Variants in ATP6V0A1 observed in about 807,000 individuals in gnomAD.
ATP6V0A1 encodes V-type proton ATPase 116 kDa subunit a 1.
In ATP6V0A1, 43 loss-of-function variants were observed where a neutral mutation model predicts 105.4. The observed-to-expected ratio is 0.41, with a 90% CI of 0.32 to 0.53. ATP6V0A1 has a LOEUF of 0.53. Among genes scored for constraint, ATP6V0A1 ranks in the 20% least tolerant of loss-of-function variants. ATP6V0A1 has a pLI of 0.30. For missense variants in ATP6V0A1, 676 were observed against 1,051.1 expected, an observed-to-expected ratio of 0.64 and a Z score of 4.93; for synonymous variants, 362 against 372.8, an observed-to-expected ratio of 0.97 and a Z score of 0.33.
In ATP6V0A1 at chr17:42,495,941, G is replaced by A. The variant is rs941978915; in HGVS notation, c.1560+225G>A. The A allele has an allele frequency of 5.1e-4, 207 of 408,480 alleles. 4 individuals carry two copies. The highest frequency in any genetic ancestry group is 4.8e-3 in the South Asian group (193 of 40,432). The allele number at this position is 408,480 out of a possible 1,614,324, so 25.3% of individuals were successfully genotyped here. A position where few individuals can be genotyped will look rare whatever the true frequency, so the allele number is the denominator to read the frequency against. On this transcript the variant is annotated intron_variant, in intron 14 of 21. Coordinates refer to ENST00000343619, the MANE Select transcript of ATP6V0A1 (RefSeq NM_001130021.3). ...TAAAATATTAGCCGGGCGTGGTGGC[G>A]CATGCCTGTAGTCCCAGCTACCCGG... is the stretch of plus-strand genomic sequence containing the variant.
intron 4 of ATP6V0A1, 113 bp from the exon 5 acceptor site, chr17:42,469,977 C>T: frequency 1.8e-6 from 2 of 1,124,324 alleles, no homozygotes. Context: ...TAGGCAAGTC[C>T]AAGTTCTCTT....
intron 4 of ATP6V0A1, among the ~76,000 whole-genome samples, chr17:42,469,444 C>T (rs915298063): frequency 6.6e-6 from 1 of 150,966 alleles, no homozygotes; most frequent in African/African-American, 2.4e-5. Flanking sequence ...CATTCTCCTG[C>T]CTCAGCCTCC....
intron 7 of ATP6V0A1, chr17:42,480,283 C>T (rs2089325406): frequency 6.5e-6 from 1 of 153,654 alleles, no homozygotes; most frequent in African/African-American, 2.4e-5. Context: ...CCCCTTTTAT[C>T]TAAGAATTTC....
At chr17:42,494,160 T>C (rs2090930385) in intron 11 of ATP6V0A1, among the ~76,000 whole-genome samples, 174 bp from the exon 12 acceptor site, 1 of 151,898 alleles carries the variant, frequency 6.6e-6, no homozygotes, top group East Asian at 1.9e-4. Flanking sequence ...GGAGAATCAC[T>C]TGAACCTGGG....
chr17:42,494,677 G>A (rs908068015), intron 12 of ATP6V0A1: 2 of 606,652 alleles, frequency 3.3e-6, no homozygotes, highest in Non-Finnish European at 2.7e-6. Flanking sequence ...GGAGGCTGAG[G>A]CAGGAGAATC....
chr17:42,498,223 C>T (rs1239020754), intron 14 of ATP6V0A1, among the ~76,000 whole-genome samples: 3 of 151,952 alleles, frequency 2.0e-5, no homozygotes, highest in East Asian at 1.9e-4. Flanking sequence ...GCAAAAAGAG[C>T]GAAATTCCAT....
rs2087824309 is a variant in ATP6V0A1 at position 42,470,993 on chromosome 17, G to A, written c.423+775G>A. On this transcript the variant is annotated intron_variant, in intron 5 of 21. Coordinates refer to ENST00000343619, the MANE Select transcript of ATP6V0A1 (RefSeq NM_001130021.3). ...CAAAAACTAGCCGGGTGAGGTGGTG[G>A]TTGCCTGTAATCCCAGCTACTCGAG... 3.3e-5 allele frequency: 5 copies of A among 152,092 alleles called. No homozygotes were observed. In the South Asian group the frequency reaches 1.0e-3, roughly 32 times the overall value. 9.4% of individuals were successfully genotyped at this position (152,092 alleles called of 1,614,324 possible). A position where few individuals can be genotyped will look rare whatever the true frequency, so the allele number is the denominator to read the frequency against.
chr17:42,519,972 G>A, intron 21 of ATP6V0A1: 1 of 165,238 alleles, frequency 6.1e-6, no homozygotes, highest in South Asian at 1.6e-4. Context: ...CCCAGCCCCT[G>A]TTCTCTTAAT....
intron 3 of ATP6V0A1, 22 bp from the exon 4 acceptor site, chr17:42,467,986 AAT>A (rs780575991): frequency 2.0e-5 from 31 of 1,536,074 alleles, no homozygotes; most frequent in African/African-American, 2.7e-5. Flanking sequence ...GTTAGACATG[AAT>A]GTTTTGATTC....
intron 4 of ATP6V0A1, among the ~76,000 whole-genome samples, chr17:42,469,306 G>T (rs1318874483): frequency 1.4e-5 from 2 of 147,164 alleles, no homozygotes; most frequent in Non-Finnish European, 3.0e-5. Flanking sequence ...CTTCTACAAT[G>T]ACTTAGAAAG....
chr17:42,520,540 T>G (rs2092799670), intron 21 of ATP6V0A1: 1 of 456,656 alleles, frequency 2.2e-6, no homozygotes, highest in Non-Finnish European at 4.4e-6. Context: ...TCCTTGGAAT[T>G]TCCTTCCTTA....
At chr17:42,517,059 C>CCTG (rs1473639404) in intron 21 of ATP6V0A1, among the ~76,000 whole-genome samples, 8 of 152,168 alleles carry the variant, frequency 5.3e-5, no homozygotes, top group Non-Finnish European at 1.5e-5. Flanking sequence ...GCAGGCAGAT[C>CCTG]ACCTGAGGTC....
intron 1 of ATP6V0A1, among the ~76,000 whole-genome samples, chr17:42,459,903 C>T (rs2086210060): frequency 1.3e-5 from 2 of 152,058 alleles, no homozygotes; most frequent in Admixed American, 1.3e-4. Context: ...GTATAGATGC[C>T]CTTATGACAC....
intron 9 of ATP6V0A1, 104 bp from the exon 10 acceptor site, chr17:42,487,051 C>A: frequency 8.8e-7 from 1 of 1,130,216 alleles, no homozygotes; most frequent in South Asian, 1.3e-5. Flanking sequence ...AAAGACAATT[C>A]CCTGGCAACT....
intron 14 of ATP6V0A1, chr17:42,496,491 A>G (rs2091191807): frequency 6.6e-6 from 1 of 152,078 alleles, no homozygotes; most frequent in Non-Finnish European, 1.5e-5. Flanking sequence ...TGTGTGCTGT[A>G]AAAATGGAGT....
intron 10 of ATP6V0A1, among the ~76,000 whole-genome samples, chr17:42,489,917 T>C (rs375903199): frequency 5.3e-5 from 8 of 152,030 alleles, no homozygotes; most frequent in Admixed American, 4.6e-4. Flanking sequence ...CCAGCAAAGA[T>C]AGAAAAGCAA....
At chr17:42,515,928 T>C (rs2146329374) in intron 21 of ATP6V0A1, among the ~76,000 whole-genome samples, 1 of 152,356 alleles carries the variant, frequency 6.6e-6, no homozygotes, top group South Asian at 2.1e-4. Context: ...CACCTCAGAC[T>C]CCACTTCTTT....
At position 42,500,812 on chromosome 17, in the gene ATP6V0A1, G is replaced by C. The variant is rs1343988032; in HGVS notation, c.1785G>C (p.Thr595=). Residue 595 remains threonine (T), a synonymous_variant, in exon 16 of 22, where the codon ACG becomes ACC. Transcript: ENST00000343619. ...TTATCCTTATTTTTTACAAGTGGAC[G>C]GCCTATGATGCTCATACCTCTGAGA... ...YLVILIFYKW[T]AYDAHTSENA... 1 of 1,613,612 alleles carries C rather than the reference G, an allele frequency of 6.2e-7. No individual in the cohort carries two copies. Among genetic ancestry groups the C allele is most frequent in the Non-Finnish European group, 8.5e-7 (1 of 1,179,726 alleles).
chr17:42,488,327 CATCAGGTAGTTTGGAACTTAAT>C (rs1341468021), intron 10 of ATP6V0A1, among the ~76,000 whole-genome samples: 6 of 152,168 alleles, frequency 3.9e-5, no homozygotes, highest in African/African-American at 1.4e-4. Flanking sequence ...TACCTGTCTG[CATCAGGTAGTTTGGAACTTAAT>C]TGTGAAAGGT....
Sources: gnomAD v4.1 joint callset for allele counts (sites outside exome capture counted in the v4.1 genomes callset) on GRCh38, gnomAD v4.1.1 for gene constraint, MANE v1.5 for transcripts, NCBI Gene and HGNC (gene_info 2026-07-23, HGNC 2026-07-21) for gene names.